The following MGST1 variants were observed in gnomAD, a reference collection of about 807,000 sequenced individuals.
MGST1 encodes glutathione S-transferase 12.
Under a neutral mutation model 8.9 loss-of-function variants are expected in MGST1, and 5 were observed. The ratio of observed to expected loss-of-function variants is 0.56; its 90% CI spans 0.29 to 1.19. The LOEUF is 1.19. Ranked by LOEUF, MGST1 falls within the 50% of genes most tolerant of loss-of-function variation. The pLI, the probability that MGST1 is intolerant of heterozygous loss-of-function variation, is 0.08. For missense variants in MGST1, 182 were observed against 187.4 expected (o/e 0.97, Z 0.17); for synonymous variants, 54 against 67.8 (o/e 0.80, Z 1.00).
intron 4 of MGST1, among the ~76,000 whole-genome samples, chr12:16,534,287 TTGAGATAA>T (rs1208173813): frequency 6.6e-6 from 1 of 152,176 alleles, no homozygotes; most frequent in Non-Finnish European, 1.5e-5. Flanking sequence ...ATATGCACAT[TTGAGATAA>T]AAGGTATTTG....
At chr12:16,432,679 GACACACACACACACACACACACACAC>G (rs36054419) in intron 1 of MGST1, among the ~76,000 whole-genome samples, 1 of 124,300 alleles carries the variant, frequency 8.0e-6, no homozygotes, top group Non-Finnish European at 1.7e-5. Flanking sequence ...CTCTCTCTCT[GACACACACACACACACACACACACAC>G]ACACACACAC....
At chr12:16,392,834 T>A (rs1940565736) in intron 1 of MGST1, among the ~76,000 whole-genome samples, 1 of 152,174 alleles carries the variant, frequency 6.6e-6, no homozygotes. Flanking sequence ...GATTGAAATA[T>A]ACATTTTTGT....
intron 1 of MGST1, among the ~76,000 whole-genome samples, chr12:16,427,772 A>G (rs939837936): frequency 9.9e-5 from 15 of 152,216 alleles, no homozygotes; most frequent in Admixed American, 7.2e-4. Context: ...TCTAAGCATT[A>G]TGCTTTTTCC....
At chr12:16,358,624 G>A (rs1005463763) in intron 3 of MGST1, among the ~76,000 whole-genome samples, 9 of 151,604 alleles carry the variant, frequency 5.9e-5, no homozygotes, top group African/African-American at 9.7e-5. Context: ...GTGCCACCAC[G>A]CCCAGCTAAT....
At chr12:16,525,356 A>G (rs1727918896) in intron 4 of MGST1, among the ~76,000 whole-genome samples, 1 of 142,724 alleles carries the variant, frequency 7.0e-6, no homozygotes. Flanking sequence ...ATGTGTTCTC[A>G]TTGTTCAATT....
chr12:16,551,510 T>C (rs1286960614), intron 4 of MGST1, among the ~76,000 whole-genome samples: 1 of 151,982 alleles, frequency 6.6e-6, no homozygotes, highest in East Asian at 1.9e-4. Flanking sequence ...TAATGAAATG[T>C]TGCACACATT....
chr12:16,527,343 T>C (rs942584891), intron 4 of MGST1, among the ~76,000 whole-genome samples: 6 of 152,054 alleles, frequency 3.9e-5, no homozygotes, highest in African/African-American at 1.4e-4. Flanking sequence ...ATTCTGTAAT[T>C]AATTTCAAAT....
intron 4 of MGST1, among the ~76,000 whole-genome samples, chr12:16,480,002 A>G (rs1434748389): frequency 6.6e-6 from 1 of 152,226 alleles, no homozygotes; most frequent in African/African-American, 2.4e-5. Context: ...TTAAAACCAT[A>G]ACACTTCTAG....
intron 1 of MGST1, among the ~76,000 whole-genome samples, chr12:16,405,606 G>A (rs1158515021): frequency 1.3e-5 from 2 of 151,798 alleles, no homozygotes; most frequent in African/African-American, 4.8e-5. Flanking sequence ...GGCAGAAATA[G>A]AAGAAAAAGT....
chr12:16,418,693 T>C (rs550397364), intron 1 of MGST1, among the ~76,000 whole-genome samples: 1 of 152,270 alleles, frequency 6.6e-6, no homozygotes, highest in Non-Finnish European at 1.5e-5. Flanking sequence ...CAACTTGATA[T>C]ATGTAGACAA....
intron 4 of MGST1, among the ~76,000 whole-genome samples, chr12:16,478,630 T>C (rs1423235461): frequency 2.0e-5 from 3 of 152,098 alleles, no homozygotes; most frequent in Non-Finnish European, 2.9e-5. Context: ...TGGTGAATTT[T>C]TTTTTAATTT....
At chr12:16,356,513 T>C (rs572775411) in intron 2 of MGST1, among the ~76,000 whole-genome samples, 1 of 152,322 alleles carries the variant, frequency 6.6e-6, no homozygotes, top group African/African-American at 2.4e-5. Context: ...TTATCTCTAA[T>C]ATAATGTTCA....
chr12:16,588,687 C>T (rs527995773), intron 4 of MGST1, among the ~76,000 whole-genome samples: 1 of 152,170 alleles, frequency 6.6e-6, no homozygotes, highest in African/African-American at 2.4e-5. Context: ...GATATTTTTT[C>T]CATACAGCCT....
intron 4 of MGST1, chr12:16,573,615 G>C (rs1942896589): frequency 6.6e-6 from 1 of 152,164 alleles, no homozygotes; most frequent in Non-Finnish European, 1.5e-5. Flanking sequence ...TCCCATGAAA[G>C]CAAACAACTT....
chr12:16,404,450 T>C (rs1940683528), intron 1 of MGST1, among the ~76,000 whole-genome samples: 1 of 152,078 alleles, frequency 6.6e-6, no homozygotes, highest in African/African-American at 2.4e-5. Context: ...GCTGATATAT[T>C]TGAATTTATA....
rs1941822317 is a variant in MGST1 at position 16,546,118 on chromosome 12, ATTGT to A, written n.483-43406_483-43403del. Among the ~76,000 whole-genome samples, 1 of 152,104 alleles carries A rather than the reference ATTGT, an allele frequency of 6.6e-6. No individual in the cohort carries two copies. Among genetic ancestry groups the A allele is most frequent in the South Asian group, 2.1e-4 (1 of 4,834 alleles). ...GTGCAGAACTACCTGATACATGGCA[ATTGT>A]TTGGTAAATATTCGCTATTATTACT... is the stretch of plus-strand genomic sequence containing the variant. On this transcript the variant is annotated intron_variant and non_coding_transcript_variant, in intron 4 of 4. Coordinates refer to the MGST1 transcript ENST00000538857. This position sits in a 1 kb window ranked among gnomAD's most constrained non-coding sequence, Gnocchi z 4.7.
chr12:16,535,309 T>G (rs1204912650), intron 4 of MGST1, among the ~76,000 whole-genome samples: 2 of 152,208 alleles, frequency 1.3e-5, no homozygotes, highest in African/African-American at 4.8e-5. Context: ...GAGAGTTAGC[T>G]GTGGGCTCAA....
intron 4 of MGST1, among the ~76,000 whole-genome samples, chr12:16,488,174 T>C (rs1271338361): frequency 1.3e-5 from 2 of 152,204 alleles, no homozygotes; most frequent in African/African-American, 2.4e-5. Flanking sequence ...AATATTGCTT[T>C]CTTTATAAAT....
chr12:16,479,279 G>C (rs1216070961), intron 4 of MGST1, among the ~76,000 whole-genome samples: 1 of 126,426 alleles, frequency 7.9e-6, no homozygotes, highest in Non-Finnish European at 1.6e-5. Context: ...CTGTCGCCCA[G>C]GCTGGAGTGT....
Sources: gnomAD v4.1 joint callset for allele counts (sites outside exome capture counted in the v4.1 genomes callset) on GRCh38, gnomAD v4.1.1 for gene constraint, Gnocchi (gnomAD v3.1) non-coding constraint, MANE v1.5 for transcripts, NCBI Gene and HGNC (gene_info 2026-07-23, HGNC 2026-07-21) for gene names.